NRXN3: variants seen among roughly 807,000 people sequenced by gnomAD.
The protein encoded by NRXN3 is neurexin III.
In NRXN3, 32 loss-of-function variants were observed where a neutral mutation model predicts 137.6. That is an observed-to-expected ratio of 0.23 (90% confidence interval 0.18 to 0.31). The LOEUF (loss-of-function observed/expected upper bound fraction) is 0.31, where lower values mean the gene tolerates loss of function less well. NRXN3 is among the 10% of genes least tolerant of loss of function. NRXN3 has a pLI of 1.00. For missense variants in NRXN3, 1,574 were observed against 2,062.5 expected (o/e 0.76, Z 4.59); for synonymous variants, 798 against 784.5 (o/e 1.02, Z -0.29).
chr14:78,503,095 A>T (rs2095911725), intron 4 of NRXN3, among the ~76,000 whole-genome samples: 1 of 152,174 alleles, frequency 6.6e-6, no homozygotes, highest in African/African-American at 2.4e-5. Context: ...GTAAATGTCT[A>T]CTGATAATTT....
rs143163207 is a variant in NRXN3 at position 79,350,571 on chromosome 14, A to C, written c.3263-116650A>C. Among the ~76,000 whole-genome samples, 3 of 152,324 alleles carry C rather than the reference A, an allele frequency of 2.0e-5. No individual in the cohort carries two copies. In the East Asian group the frequency reaches 5.8e-4, roughly 29 times the overall value. On this transcript the variant is annotated intron_variant, in intron 15 of 20. Coordinates refer to ENST00000335750, the MANE Select transcript of NRXN3 (RefSeq NM_001330195.2). ...TGTTCGGGAGTGTGTGTGGCATAGA[A>C]CAAATCAGCCTTTGGCACACATTGG...
At chr14:79,660,121 G>T (rs968287615) in intron 16 of NRXN3, among the ~76,000 whole-genome samples, 5 of 152,122 alleles carry the variant, frequency 3.3e-5, no homozygotes, top group Non-Finnish European at 4.4e-5. Context: ...CAATGCTTTT[G>T]TTCCCTCACA....
chr14:79,276,719 A>G (rs2153434451), intron 15 of NRXN3, among the ~76,000 whole-genome samples: 1 of 152,002 alleles, frequency 6.6e-6, no homozygotes, highest in East Asian at 1.9e-4. Flanking sequence ...TAAAAAAAAA[A>G]AAAAAAAAGA....
intron 20 of NRXN3, among the ~76,000 whole-genome samples, chr14:79,842,339 G>T (rs2099357660): frequency 6.6e-6 from 1 of 152,172 alleles, no homozygotes. Context: ...GGGCCTCTGA[G>T]AAGTAAAATT....
At chr14:79,702,477 A>G (rs779835783) in intron 19 of NRXN3, among the ~76,000 whole-genome samples, 2 of 152,132 alleles carry the variant, frequency 1.3e-5, no homozygotes, top group Non-Finnish European at 1.5e-5. Flanking sequence ...AAAGAGCACA[A>G]TTGGACAGGT....
chr14:78,994,155 C>T (rs546882661), intron 15 of NRXN3, among the ~76,000 whole-genome samples: 1 of 151,898 alleles, frequency 6.6e-6, no homozygotes, highest in Non-Finnish European at 1.5e-5. Flanking sequence ...CGCCTGGCTG[C>T]CTTGAAAATT....
intron 4 of NRXN3, among the ~76,000 whole-genome samples, chr14:78,611,667 G>A (rs1488039252): frequency 6.6e-6 from 1 of 152,146 alleles, no homozygotes; most frequent in Non-Finnish European, 1.5e-5. Context: ...AGTGTCAGCA[G>A]CTGCATTGCA....
intron 20 of NRXN3, among the ~76,000 whole-genome samples, chr14:79,853,119 C>T (rs1300948278): frequency 6.6e-6 from 1 of 152,062 alleles, no homozygotes; most frequent in Admixed American, 6.6e-5. Context: ...TGGAAAATGC[C>T]ATTTCTCTAT....
At chr14:78,191,910 G>A (rs1261353168) in intron 1 of NRXN3, among the ~76,000 whole-genome samples, 2 of 152,138 alleles carry the variant, frequency 1.3e-5, no homozygotes, top group African/African-American at 4.8e-5. Flanking sequence ...ATCTGGCCCT[G>A]GTGAGGGGGG....
intron 8 of NRXN3, among the ~76,000 whole-genome samples, chr14:78,777,922 C>T (rs936390690): frequency 4.0e-5 from 6 of 151,896 alleles, no homozygotes; most frequent in African/African-American, 1.5e-4. Context: ...GCCACCACTC[C>T]GGACTAATTT....
At chr14:79,769,116 G>C (rs1270874362) in intron 19 of NRXN3, among the ~76,000 whole-genome samples, 1 of 151,458 alleles carries the variant, frequency 6.6e-6, no homozygotes, top group East Asian at 1.9e-4. Flanking sequence ...AGAAATATGG[G>C]ACTATGTGAA....
intron 4 of NRXN3, among the ~76,000 whole-genome samples, chr14:78,492,610 G>A (rs2095689622): frequency 6.6e-6 from 1 of 152,104 alleles, no homozygotes; most frequent in Non-Finnish European, 1.5e-5. Flanking sequence ...ACACACATAA[G>A]CCATTTGTAC....
chr14:79,669,535 C>T (rs2098594377), intron 17 of NRXN3, among the ~76,000 whole-genome samples: 1 of 152,062 alleles, frequency 6.6e-6, no homozygotes, highest in Non-Finnish European at 1.5e-5. Flanking sequence ...CCACATTATG[C>T]AGTTTGTCTT....
intron 1 of NRXN3, among the ~76,000 whole-genome samples, chr14:78,180,481 T>C (rs1396165853): frequency 2.0e-5 from 3 of 152,228 alleles, no homozygotes; most frequent in Non-Finnish European, 4.4e-5. Context: ...AGTGAATAAG[T>C]GTTAGGCAAT....
At chr14:78,240,544 A>G (rs914291539) in intron 1 of NRXN3, among the ~76,000 whole-genome samples, 2 of 152,068 alleles carry the variant, frequency 1.3e-5, no homozygotes, top group Admixed American at 6.5e-5. Context: ...CAGCTCTCCT[A>G]CCCAGCTCAC....
intron 4 of NRXN3, among the ~76,000 whole-genome samples, chr14:78,357,447 G>A (rs894181223): frequency 1.3e-5 from 2 of 152,168 alleles, no homozygotes; most frequent in African/African-American, 4.8e-5. Flanking sequence ...TGGGGACACA[G>A]AGCCATATCA....
intron 4 of NRXN3, among the ~76,000 whole-genome samples, chr14:78,312,384 A>C (rs1337597452): frequency 2.0e-5 from 3 of 152,070 alleles, no homozygotes; most frequent in Non-Finnish European, 4.4e-5. Flanking sequence ...AAGCTTTTAT[A>C]CCCATAACTT....
chr14:79,006,043 G>A (rs1384332130), intron 15 of NRXN3, among the ~76,000 whole-genome samples: 1 of 150,674 alleles, frequency 6.6e-6, no homozygotes, highest in Non-Finnish European at 1.5e-5. Flanking sequence ...AGGATTTGCA[G>A]GAAATGAGCC....
chr14:79,447,140 C>T (rs2096074617), intron 15 of NRXN3, among the ~76,000 whole-genome samples: 6 of 152,168 alleles, frequency 3.9e-5, no homozygotes, highest in Admixed American at 3.9e-4. Flanking sequence ...AATGTTTGTT[C>T]TGGTCCACCA....
Sources: gnomAD v4.1 joint callset for allele counts (sites outside exome capture counted in the v4.1 genomes callset) on GRCh38, gnomAD v4.1.1 for gene constraint, MANE v1.5 for transcripts, NCBI Gene and HGNC (gene_info 2026-07-23, HGNC 2026-07-21) for gene names.